The following ESRRB variants were observed in gnomAD, a reference collection of about 807,000 sequenced individuals.
ESRRB encodes the protein estrogen related receptor beta.
Under a neutral mutation model 46.0 loss-of-function variants are expected in ESRRB, and 16 were observed. That is an observed-to-expected ratio of 0.35 (90% CI 0.24 to 0.53). The LOEUF (loss-of-function observed/expected upper bound fraction) is 0.53. Among genes scored for constraint, ESRRB ranks in the 20% least tolerant of loss-of-function variants. The pLI, the probability that ESRRB is intolerant of heterozygous loss-of-function variation, is 0.93. For synonymous variants in ESRRB, 246 were observed against 259.6 expected, an observed-to-expected ratio of 0.95 and a Z score of 0.50; for missense variants, 488 against 607.4, an observed-to-expected ratio of 0.80 and a Z score of 2.07.
chr14:76,383,279 T>C (rs1885084743), intron 1 of ESRRB, among the ~76,000 whole-genome samples: 1 of 152,248 alleles, frequency 6.6e-6, no homozygotes, highest in South Asian at 2.1e-4. Flanking sequence ...TTGAATTGGC[T>C]TGAGTTCATA....
chr14:76,466,658 G>A (rs1279643772), intron 3 of ESRRB, among the ~76,000 whole-genome samples: 2 of 151,898 alleles, frequency 1.3e-5, no homozygotes, highest in African/African-American at 2.4e-5. Context: ...ACAAAATCTG[G>A]GTTAGGAGTT....
At chr14:76,333,691 A>G (rs1428544821) in intron 1 of ESRRB, among the ~76,000 whole-genome samples, 1 of 151,606 alleles carries the variant, frequency 6.6e-6, no homozygotes, top group African/African-American at 2.4e-5. Context: ...ATTTAACCCA[A>G]TATATCAAAA....
intron 1 of ESRRB, among the ~76,000 whole-genome samples, chr14:76,349,299 C>T (rs1200550097): frequency 1.3e-5 from 2 of 152,114 alleles, no homozygotes; most frequent in Non-Finnish European, 2.9e-5. Flanking sequence ...GGGTGCAAAG[C>T]GGGGATCACG....
At chr14:76,321,092 G>C (rs532561513) in intron 1 of ESRRB, among the ~76,000 whole-genome samples, 1 of 152,052 alleles carries the variant, frequency 6.6e-6, no homozygotes, top group Non-Finnish European at 1.5e-5. Context: ...ATTGCTGTGC[G>C]ACAATTCTTT....
In ESRRB at chr14:76,376,645, T is replaced by C. The variant is rs1472649365; in HGVS notation, c.50+194T>C. 6.6e-6 allele frequency among the ~76,000 whole-genome samples: 1 copy of C among 152,172 alleles called. No homozygotes were observed. The highest frequency in any genetic ancestry group is 2.1e-4 in the South Asian group (1 of 4,830). On this transcript the variant is annotated intron_variant, in intron 1 of 6. Coordinates refer to ENST00000644823, the MANE Select transcript of ESRRB (RefSeq NM_001379180.1). This position sits in a 1 kb window ranked among gnomAD's most constrained non-coding sequence, Gnocchi z 4.1. ...TAGGGCATAAACCCTCCTCTAACTTTTTCCCGCACCCCCTTTTACAAATCC... is the reference window on the plus strand; with the variant it reads ...TAGGGCATAAACCCTCCTCTAACTTCTTCCCGCACCCCCTTTTACAAATCC...
intron 5 of ESRRB, among the ~76,000 whole-genome samples, chr14:76,484,992 C>T (rs1219765996): frequency 1.3e-5 from 2 of 152,150 alleles, no homozygotes; most frequent in African/African-American, 4.8e-5. Context: ...GTAATAAAAG[C>T]CTCCTTTCAT....
At position 76,448,502 on chromosome 14, in the gene ESRRB, A is replaced by ATTT. The variant is rs57449056; in HGVS notation, c.460+8763_460+8765dup. On this transcript the variant is annotated intron_variant, in intron 2 of 6. Coordinates refer to ENST00000644823, the MANE Select transcript of ESRRB (RefSeq NM_001379180.1). ...CACCACCATGCCTGGCTAATTTTGT[A>ATTT]TTTTTTTTTTTTTAGTAGAGACGGG... 9.7e-5 allele frequency among the ~76,000 whole-genome samples: 14 copies of ATTT among 144,562 alleles called. No individual in the cohort carries two copies. The South Asian group carries it at 2.0e-3, about 20-fold the overall frequency. 94.8% of individuals were successfully genotyped at this position (144,562 alleles called of 152,430 possible).
At chr14:76,489,816 A>G (rs1293755698) in intron 5 of ESRRB, among the ~76,000 whole-genome samples, 1 of 152,176 alleles carries the variant, frequency 6.6e-6, no homozygotes, top group Non-Finnish European at 1.5e-5. Context: ...CAAGCCAAAG[A>G]GCTGGGTGGT....
At chr14:76,483,611 C>A (rs1366272816) in intron 5 of ESRRB, among the ~76,000 whole-genome samples, 1 of 152,162 alleles carries the variant, frequency 6.6e-6, no homozygotes, top group Non-Finnish European at 1.5e-5. Context: ...TTCTACATTA[C>A]ATACACATTG....
intron 3 of ESRRB, among the ~76,000 whole-genome samples, chr14:76,478,171 T>C (rs941432808): frequency 2.0e-5 from 3 of 152,190 alleles, no homozygotes; most frequent in Admixed American, 6.5e-5. Context: ...ATGACAGACT[T>C]TGGGGCAGGA....
intron 1 of ESRRB, among the ~76,000 whole-genome samples, chr14:76,325,949 C>T (rs1016804379): frequency 3.9e-5 from 6 of 152,182 alleles, no homozygotes; most frequent in Non-Finnish European, 5.9e-5. Flanking sequence ...CAGGCTGCAG[C>T]CCCCCAGCCC....
intron 1 of ESRRB, 32 bp from the exon 2 acceptor site, chr14:76,439,309 G>A: frequency 6.3e-7 from 1 of 1,598,886 alleles, no homozygotes; most frequent in Non-Finnish European, 8.6e-7. Flanking sequence ...ACAGCACCTT[G>A]CTGGGGCTGA....
At chr14:76,357,196 C>G (rs1345638910) in intron 1 of ESRRB, among the ~76,000 whole-genome samples, 1 of 152,246 alleles carries the variant, frequency 6.6e-6, no homozygotes, top group Non-Finnish European at 1.5e-5. Flanking sequence ...AGAGAAGAAT[C>G]TATATCCAGA....
intron 2 of ESRRB, among the ~76,000 whole-genome samples, chr14:76,452,647 AC>A (rs1308888326): frequency 2.1e-5 from 2 of 93,106 alleles, no homozygotes; most frequent in African/African-American, 1.0e-4. Flanking sequence ...CAAAAACAAA[AC>A]AAAACAAAAA....
chr14:76,376,838 C>T lies in ESRRB; in HGVS notation c.50+387C>T, dbSNP rs977838459. On this transcript the variant is annotated intron_variant, in intron 1 of 6. Coordinates refer to ENST00000644823, the MANE Select transcript of ESRRB (RefSeq NM_001379180.1). This position sits in a 1 kb window ranked among gnomAD's most constrained non-coding sequence, Gnocchi z 4.1. ...ATGTGGTTGCAAGGATGTCCTGTCC[C>T]GTCAGAGAAAGCCTTTCCCGCGGGC... Among the ~76,000 whole-genome samples, 5 of 152,194 alleles carry T rather than the reference C, an allele frequency of 3.3e-5. No individual in the cohort carries two copies. Among genetic ancestry groups the T allele is most frequent in the African/African-American group, 1.2e-4 (5 of 41,444 alleles).
chr14:76,424,625 G>A (rs1887119864), intron 1 of ESRRB, among the ~76,000 whole-genome samples: 1 of 152,212 alleles, frequency 6.6e-6, no homozygotes, highest in African/African-American at 2.4e-5. Context: ...ATTCCATCCT[G>A]GGTTGTATAA....
chr14:76,457,301 G>A (rs569724016), intron 2 of ESRRB, among the ~76,000 whole-genome samples: 1 of 152,234 alleles, frequency 6.6e-6, no homozygotes, highest in South Asian at 2.1e-4. Context: ...ATCACAGTTG[G>A]TGGCTAGCCT....
intron 1 of ESRRB, among the ~76,000 whole-genome samples, chr14:76,356,435 A>G (rs143953750): frequency 1.1e-3 from 173 of 152,322 alleles, no homozygotes; most frequent in African/African-American, 2.8e-3. Context: ...ACTTGCTCAG[A>G]TTATACGACT....
At chr14:76,424,311 C>CA (rs1459666560) in intron 1 of ESRRB, among the ~76,000 whole-genome samples, 1 of 152,152 alleles carries the variant, frequency 6.6e-6, no homozygotes, top group Non-Finnish European at 1.5e-5. Flanking sequence ...GTCATCTGCC[C>CA]AGGCTGCCCA....
Sources: allele counts gnomAD v4.1 joint callset (sites outside exome capture counted in the v4.1 genomes callset), GRCh38; gene constraint gnomAD v4.1.1; non-coding constraint Gnocchi (gnomAD v3.1); transcripts MANE v1.5; gene names NCBI Gene and HGNC (gene_info 2026-07-23, HGNC 2026-07-21).